The following THRB variants were observed in gnomAD, a reference collection of about 807,000 sequenced individuals.
The protein encoded by THRB is nuclear receptor subfamily 1 group A member 2.
Under a neutral mutation model 47.8 loss-of-function variants are expected in THRB, and 12 were observed. That is an observed-to-expected ratio of 0.25 (90% CI 0.16 to 0.41). THRB has a LOEUF of 0.41. THRB is among the 10% of genes least tolerant of loss of function. The pLI, the probability that THRB is intolerant of heterozygous loss-of-function variation, is 1.00. For synonymous variants in THRB, 218 were observed against 212.2 expected (o/e 1.03, Z -0.24); for missense variants, 348 against 589.2 (o/e 0.59, Z 4.24).
chr3:24,429,115 A>T (rs1047393335), intron 1 of THRB, among the ~76,000 whole-genome samples: 1 of 151,762 alleles, frequency 6.6e-6, no homozygotes, highest in African/African-American at 2.4e-5. Context: ...CCCTAATTCT[A>T]TAAGTTACAT....
At chr3:24,373,648 C>T (rs1389279812) in intron 1 of THRB, among the ~76,000 whole-genome samples, 3 of 152,120 alleles carry the variant, frequency 2.0e-5, no homozygotes, top group African/African-American at 7.2e-5. Context: ...CCACTTCATA[C>T]TGCATTCCAC....
chr3:24,134,014 G>T (rs1423578192), intron 8 of THRB, among the ~76,000 whole-genome samples: 1 of 152,190 alleles, frequency 6.6e-6, no homozygotes, highest in Admixed American at 6.5e-5. Flanking sequence ...GAGGGTTGAG[G>T]GGGAAGATTG....
intron 1 of THRB, among the ~76,000 whole-genome samples, chr3:24,478,586 T>A (rs1044296811): frequency 1.4e-5 from 2 of 139,248 alleles, no homozygotes; most frequent in Admixed American, 1.4e-4. Context: ...AAAAAAGAGA[T>A]AGAGGAAGAG....
chr3:24,464,710 C>T (rs750670486), intron 1 of THRB, among the ~76,000 whole-genome samples: 14 of 151,938 alleles, frequency 9.2e-5, no homozygotes, highest in Non-Finnish European at 1.5e-4. Context: ...TGTTTCTTTC[C>T]TGATCTCTAT....
chr3:24,233,529 G>GAAA (rs2048462164), intron 3 of THRB, among the ~76,000 whole-genome samples: 1 of 88,490 alleles, frequency 1.1e-5, no homozygotes, highest in African/African-American at 4.1e-5. Flanking sequence ...AAGGAAGGAA[G>GAAA]GAAAAGAAAG....
chr3:24,264,706 C>T (rs1014176956), intron 3 of THRB, among the ~76,000 whole-genome samples: 1 of 151,796 alleles, frequency 6.6e-6, no homozygotes, highest in Non-Finnish European at 1.5e-5. Flanking sequence ...AGATTAAAAA[C>T]TTCAATTAAT....
intron 4 of THRB, among the ~76,000 whole-genome samples, chr3:24,208,919 T>G (rs898505478): frequency 7.9e-5 from 12 of 152,042 alleles, no homozygotes; most frequent in African/African-American, 2.2e-4. Flanking sequence ...TATGGAATGG[T>G]AGAAAATTTT....
intron 2 of THRB, among the ~76,000 whole-genome samples, chr3:24,329,492 T>C (rs554857116): frequency 3.3e-5 from 5 of 152,352 alleles, no homozygotes; most frequent in African/African-American, 1.2e-4. Flanking sequence ...CATATTTATA[T>C]CATAACATGT....
chr3:24,275,774 GTACAGTTGAA>G, intron 3 of THRB, among the ~76,000 whole-genome samples: 1 of 152,274 alleles, frequency 6.6e-6, no homozygotes, highest in Admixed American at 6.5e-5. Flanking sequence ...AGTTCTTGGT[GTACAGTTGAA>G]TCAATTGAGG....
intron 4 of THRB, among the ~76,000 whole-genome samples, chr3:24,194,277 A>T (rs939030033): frequency 2.0e-5 from 3 of 152,240 alleles, no homozygotes; most frequent in East Asian, 3.8e-4. Flanking sequence ...TGAAATAAAT[A>T]AAAAATTAAA....
intron 1 of THRB, among the ~76,000 whole-genome samples, chr3:24,438,194 G>C (rs17014703): frequency 0.034 from 5,167 of 151,934 alleles, 107 homozygotes; most frequent in South Asian, 0.071. Flanking sequence ...CCAGAGTCCA[G>C]AATGAAGCAC....
In THRB at chr3:24,211,775, C is replaced by T. The variant is rs1046177872; in HGVS notation, c.22+17163G>A. On this transcript the variant is annotated intron_variant, in intron 4 of 10. Coordinates refer to ENST00000646209, the MANE Select transcript of THRB (RefSeq NM_001354712.2). ...TGAAGTCTTTATCTTGTTCTTCAGA[C>T]TCTTTGTTTTTCCGACCCTCATCTA... Among the ~76,000 whole-genome samples, 10 of 152,306 alleles carry T rather than the reference C, an allele frequency of 6.6e-5. No individual in the cohort carries two copies. In the Middle Eastern group the frequency reaches 0.01, roughly 155 times the overall value.
At chr3:24,372,192 A>G (rs779029833) in intron 1 of THRB, among the ~76,000 whole-genome samples, 61 of 152,172 alleles carry the variant, frequency 4.0e-4, no homozygotes, top group Non-Finnish European at 6.0e-4. Flanking sequence ...TCATTCTACA[A>G]TGGTGTGCTC....
intron 4 of THRB, among the ~76,000 whole-genome samples, chr3:24,195,000 G>T (rs1484879908): frequency 6.6e-6 from 1 of 152,194 alleles, no homozygotes; most frequent in African/African-American, 2.4e-5. Context: ...TGCATTAGGG[G>T]TGTGTGTATA....
At chr3:24,271,047 T>A (rs1203488687) in intron 3 of THRB, among the ~76,000 whole-genome samples, 2 of 152,166 alleles carry the variant, frequency 1.3e-5, no homozygotes, top group East Asian at 1.9e-4. Flanking sequence ...TAGCCCTCCC[T>A]AGGCATGTGA....
intron 1 of THRB, among the ~76,000 whole-genome samples, chr3:24,420,803 A>C (rs2069177432): frequency 6.6e-6 from 1 of 151,924 alleles, no homozygotes; most frequent in Non-Finnish European, 1.5e-5. Flanking sequence ...TTTCCCAAAG[A>C]CCTAAAAACA....
chr3:24,165,483 G>T, intron 5 of THRB: 1 of 593,604 alleles, frequency 1.7e-6, no homozygotes, highest in Middle Eastern at 4.2e-4. Context: ...GAAACGCGAA[G>T]GGAAGATGAA....
chr3:24,385,454 A>T (rs1481609638), intron 1 of THRB, among the ~76,000 whole-genome samples: 1 of 151,950 alleles, frequency 6.6e-6, no homozygotes, highest in African/African-American at 2.4e-5. Context: ...GCATTTGTGC[A>T]TGCTGAAGGA....
chr3:24,190,463 GGA>G (rs2043192633), intron 4 of THRB, 129 bp from the exon 5 acceptor site: 3 of 1,181,922 alleles, frequency 2.5e-6, no homozygotes, highest in Non-Finnish European at 3.8e-6. Flanking sequence ...CCACTTGACG[GGA>G]GTGATAAGAT....
Sources: gnomAD v4.1 joint callset for allele counts (sites outside exome capture counted in the v4.1 genomes callset) on GRCh38, gnomAD v4.1.1 for gene constraint, MANE v1.5 for transcripts, NCBI Gene and HGNC (gene_info 2026-07-23, HGNC 2026-07-21) for gene names.